The following PCDH15 variants were observed in gnomAD, a reference collection of about 807,000 sequenced individuals.
The protein encoded by PCDH15 is protocadherin related 15.
PCDH15 carries 129 observed loss-of-function variants against 178.5 expected under a neutral mutation model. The ratio of observed to expected loss-of-function variants is 0.72; its 90% CI spans 0.63 to 0.84. The LOEUF (loss-of-function observed/expected upper bound fraction) is 0.84. Among genes scored for constraint, PCDH15 ranks in the 40% least tolerant of loss-of-function variants. The pLI is 0.00. For missense variants in PCDH15, 2,230 were observed against 2,099.9 expected, an observed-to-expected ratio of 1.06 and a Z score of -1.21; for synonymous variants, 800 against 732.0, an observed-to-expected ratio of 1.09 and a Z score of -1.50.
chr10:55,414,139 T>G (rs905686877), intron 2 of PCDH15, among the ~76,000 whole-genome samples: 17 of 151,612 alleles, frequency 1.1e-4, no homozygotes, highest in Non-Finnish European at 4.4e-5. Flanking sequence ...ATCATAAAAT[T>G]TTTTTCTTAA....
chr10:53,924,167 C>A (rs146907076), intron 25 of PCDH15, among the ~76,000 whole-genome samples: 34 of 152,120 alleles, frequency 2.2e-4, no homozygotes, highest in Admixed American at 1.7e-3. Context: ...CCTCTGCTTG[C>A]GGGGAGGTGT....
At chr10:55,088,619 C>T (rs952773136) in intron 2 of PCDH15, among the ~76,000 whole-genome samples, 3 of 140,190 alleles carry the variant, frequency 2.1e-5, no homozygotes, top group Admixed American at 1.7e-4. Context: ...TGGTGAGATA[C>T]TCATGGAACA....
At chr10:55,056,610 T>TTTATTATTA (rs60186759) in intron 2 of PCDH15, among the ~76,000 whole-genome samples, 3,824 of 142,934 alleles carry the variant, frequency 0.027, 65 homozygotes, top group East Asian at 0.047. Context: ...TTTATTTTGT[T>TTTATTATTA]TTATTATTAT....
At chr10:54,099,983 A>C (rs1384217560) in intron 15 of PCDH15, among the ~76,000 whole-genome samples, 1 of 152,200 alleles carries the variant, frequency 6.6e-6, no homozygotes, top group East Asian at 1.9e-4. Context: ...TGAAATAAAA[A>C]ATACTTCAAG....
At chr10:54,378,663 G>A in intron 4 of PCDH15, 119 bp downstream of exon 4, 2 of 1,124,664 alleles carry the variant, frequency 1.8e-6, no homozygotes, top group Non-Finnish European at 1.3e-6. Flanking sequence ...AACTGTTGTT[G>A]CTATACTCAG....
intron 3 of PCDH15, among the ~76,000 whole-genome samples, chr10:54,502,635 T>G (rs1425088742): frequency 6.6e-6 from 1 of 152,158 alleles, no homozygotes; most frequent in Non-Finnish European, 1.5e-5. Context: ...ACTTGTTGGA[T>G]GACTGTAAAA....
At chr10:55,401,594 C>CTGTGTGTGTGTGTGTGTGTGTGTGTG (rs3074786) in intron 2 of PCDH15, among the ~76,000 whole-genome samples, 1 of 133,114 alleles carries the variant, frequency 7.5e-6, no homozygotes. Context: ...ATTTGCCTTA[C>CTGTGTGTGTGTGTGTGTGTGTGTGTG]TGTGTGTGTG....
intron 2 of PCDH15, among the ~76,000 whole-genome samples, chr10:55,338,014 A>G (rs1844443863): frequency 6.6e-6 from 1 of 152,200 alleles, no homozygotes; most frequent in Non-Finnish European, 1.5e-5. Flanking sequence ...GACATTTATC[A>G]AAAGAAGAGA....
intron 2 of PCDH15, among the ~76,000 whole-genome samples, chr10:54,572,271 A>G (rs2089940361): frequency 6.6e-6 from 1 of 152,110 alleles, no homozygotes. Context: ...TCAAGAACCT[A>G]ACTGAACTCC....
chr10:54,486,676 T>C (rs2079127786), intron 3 of PCDH15, among the ~76,000 whole-genome samples: 1 of 152,014 alleles, frequency 6.6e-6, no homozygotes, highest in African/African-American at 2.4e-5. Flanking sequence ...TCTTGATTTT[T>C]TTTGTAAGTC....
At chr10:55,214,823 A>T (rs1196988709) in intron 1 of PCDH15, among the ~76,000 whole-genome samples, 2 of 151,940 alleles carry the variant, frequency 1.3e-5, no homozygotes, top group Non-Finnish European at 2.9e-5. Context: ...TGACTCATAT[A>T]TCATATTGTT....
chr10:55,032,671 G>C (rs867286166), intron 2 of PCDH15, among the ~76,000 whole-genome samples: 90 of 152,128 alleles, frequency 5.9e-4, no homozygotes, highest in African/African-American at 2.2e-3. Context: ...CCAAGGGATG[G>C]GTCATCTACT....
intron 1 of PCDH15, among the ~76,000 whole-genome samples, chr10:55,210,611 T>A (rs1840536970): frequency 7.1e-6 from 1 of 140,348 alleles, no homozygotes; most frequent in South Asian, 2.2e-4. Context: ...TTTTTCTTTT[T>A]TCTTTTCTTT....
At chr10:55,341,760 T>G (rs1260588263) in intron 2 of PCDH15, among the ~76,000 whole-genome samples, 3 of 85,272 alleles carry the variant, frequency 3.5e-5, no homozygotes, top group Non-Finnish European at 6.6e-5. Flanking sequence ...TACATACATA[T>G]GCATATATAT....
chr10:54,058,603 C>A (rs1447528802), intron 18 of PCDH15, among the ~76,000 whole-genome samples: 2 of 152,068 alleles, frequency 1.3e-5, no homozygotes, highest in Non-Finnish European at 2.9e-5. Context: ...TACAACCAAA[C>A]CATATCGGTC....
At chr10:54,194,521 A>G (rs1051132620) in intron 11 of PCDH15, among the ~76,000 whole-genome samples, 3 of 152,154 alleles carry the variant, frequency 2.0e-5, no homozygotes, top group African/African-American at 4.8e-5. Flanking sequence ...CAAGAATTAT[A>G]TAACAGCAAG....
chr10:53,973,303 A>C (rs10763037), intron 21 of PCDH15, among the ~76,000 whole-genome samples: 69,111 of 115,562 alleles, frequency 0.6, 19,942 homozygotes, highest in East Asian at 0.77. Flanking sequence ...GGGTGGGGGG[A>C]GGGGGGAGGG....
At chr10:54,902,413 T>TTCTCAGGAGATC (rs1954651574) in intron 2 of PCDH15, among the ~76,000 whole-genome samples, 1 of 152,104 alleles carries the variant, frequency 6.6e-6, no homozygotes, top group Non-Finnish European at 1.5e-5. Context: ...TGATAATGAT[T>TTCTCAGGAGATC]TCTCAGGAGA....
chr10:54,843,693 G>A (rs983987270), intron 3 of PCDH15, among the ~76,000 whole-genome samples: 1 of 151,972 alleles, frequency 6.6e-6, no homozygotes, highest in African/African-American at 2.4e-5. Flanking sequence ...TTTGACGATT[G>A]TTAACATGAC....
Sources: gnomAD v4.1 joint callset for allele counts (sites outside exome capture counted in the v4.1 genomes callset) on GRCh38, gnomAD v4.1.1 for gene constraint, MANE v1.5 for transcripts, NCBI Gene and HGNC (gene_info 2026-07-23, HGNC 2026-07-21) for gene names.